Variants in RIMS2 observed in about 807,000 individuals in gnomAD.
RIMS2 encodes the protein regulating synaptic membrane exocytosis protein 2.
RIMS2 carries 59 observed loss-of-function variants against 174.4 expected under a neutral mutation model. The ratio of observed to expected loss-of-function variants is 0.34; its 90% CI spans 0.27 to 0.42. The LOEUF (loss-of-function observed/expected upper bound fraction) is 0.42, where lower values mean the gene tolerates loss of function less well. Ranked by LOEUF, RIMS2 falls within the 10% of genes least tolerant of loss-of-function variation. The pLI is 1.00. For synonymous variants in RIMS2, 606 were observed against 572.5 expected (o/e 1.06, Z -0.84); for missense variants, 1,620 against 1,666.3 (o/e 0.97, Z 0.48).
At chr8:103,653,989 A>G (rs940122810) in intron 1 of RIMS2, among the ~76,000 whole-genome samples, 1 of 152,096 alleles carries the variant, frequency 6.6e-6, no homozygotes, top group African/African-American at 2.4e-5. Context: ...ATTTTATGAC[A>G]TAAGGAGTAA....
chr8:103,586,873 A>G (rs1352040754), intron 1 of RIMS2, among the ~76,000 whole-genome samples: 1 of 152,056 alleles, frequency 6.6e-6, no homozygotes, highest in Non-Finnish European at 1.5e-5. Context: ...AGAAGATCCA[A>G]ATAAATACAA....
intron 3 of RIMS2, among the ~76,000 whole-genome samples, chr8:103,786,743 T>A (rs1197923595): frequency 2.0e-5 from 3 of 152,214 alleles, no homozygotes; most frequent in Admixed American, 6.5e-5. Flanking sequence ...AAAATGTATA[T>A]TCTGTTGATT....
intron 19 of RIMS2, among the ~76,000 whole-genome samples, chr8:104,052,515 A>G (rs1428559613): frequency 6.6e-6 from 1 of 152,160 alleles, no homozygotes; most frequent in African/African-American, 2.4e-5. Flanking sequence ...TAAAGCTTTG[A>G]ATCTAAAGCA....
intron 1 of RIMS2, among the ~76,000 whole-genome samples, chr8:103,684,910 G>T (rs1224818789): frequency 6.6e-6 from 1 of 152,022 alleles, no homozygotes; most frequent in East Asian, 1.9e-4. Flanking sequence ...TCCTATTAAA[G>T]AAATCTTTTC....
At chr8:103,537,483 A>G (rs1587071422) in intron 1 of RIMS2, among the ~76,000 whole-genome samples, 1 of 152,174 alleles carries the variant, frequency 6.6e-6, no homozygotes, top group African/African-American at 2.4e-5. Flanking sequence ...TAGTTCTTCA[A>G]TCCTTCTGTT....
chr8:103,854,715 T>C (rs1048575513), intron 3 of RIMS2, among the ~76,000 whole-genome samples: 1 of 152,054 alleles, frequency 6.6e-6, no homozygotes, highest in African/African-American at 2.4e-5. Context: ...GGAAAAAGCC[T>C]GCTTGGTTGT....
intron 1 of RIMS2, among the ~76,000 whole-genome samples, chr8:103,516,547 C>G (rs1188123657): frequency 6.6e-6 from 1 of 151,488 alleles, no homozygotes; most frequent in East Asian, 1.9e-4. Context: ...TAAAGAGGGC[C>G]AGAATGAAAG....
At chr8:104,049,765 A>T (rs994433216) in intron 19 of RIMS2, among the ~76,000 whole-genome samples, 1 of 152,230 alleles carries the variant, frequency 6.6e-6, no homozygotes, top group African/African-American at 2.4e-5. Context: ...AAAAAGGAAA[A>T]CACACAAAAA....
At chr8:103,526,398 T>C (rs1833993398) in intron 1 of RIMS2, among the ~76,000 whole-genome samples, 2 of 152,196 alleles carry the variant, frequency 1.3e-5, no homozygotes, top group African/African-American at 2.4e-5. Context: ...TTTTTACTTA[T>C]AATGTCTTAC....
chr8:103,639,508 T>G (rs943651324), intron 1 of RIMS2, among the ~76,000 whole-genome samples: 2 of 151,980 alleles, frequency 1.3e-5, no homozygotes, highest in Non-Finnish European at 2.9e-5. Context: ...TCTATAGTTT[T>G]GCCTTTCCCA....
intron 15 of RIMS2, among the ~76,000 whole-genome samples, chr8:103,970,643 C>T (rs1477746449): frequency 1.3e-5 from 2 of 152,152 alleles, no homozygotes; most frequent in Non-Finnish European, 2.9e-5. Context: ...CCTACTCTGG[C>T]ACTGGTTCCC....
intron 3 of RIMS2, among the ~76,000 whole-genome samples, chr8:103,841,428 T>G (rs959889455): frequency 4.6e-5 from 7 of 152,172 alleles, no homozygotes; most frequent in African/African-American, 1.7e-4. Flanking sequence ...CTAGACTTGA[T>G]GATTCTCTGT....
chr8:104,015,814 A>T (rs1232400342), intron 19 of RIMS2, among the ~76,000 whole-genome samples: 1 of 152,100 alleles, frequency 6.6e-6, no homozygotes, highest in Non-Finnish European at 1.5e-5. Context: ...ATCATTGAGG[A>T]TGTACACATA....
At chr8:103,805,778 T>C (rs2098646033) in intron 3 of RIMS2, among the ~76,000 whole-genome samples, 2 of 152,142 alleles carry the variant, frequency 1.3e-5, no homozygotes, top group Non-Finnish European at 1.5e-5. Context: ...TCCTCATTGA[T>C]ATTTTCAAAT....
intron 1 of RIMS2, among the ~76,000 whole-genome samples, chr8:103,577,516 C>T (rs1052874967): frequency 1.1e-4 from 16 of 152,062 alleles, no homozygotes; most frequent in Non-Finnish European, 2.1e-4. Context: ...ATGTAGGTGA[C>T]GGGTTGACAG....
intron 1 of RIMS2, among the ~76,000 whole-genome samples, chr8:103,508,990 A>T (rs1374849142): frequency 1.3e-5 from 2 of 152,070 alleles, no homozygotes; most frequent in African/African-American, 4.8e-5. Context: ...CTGTGAAGTC[A>T]TCTGGTCCTA....
At chr8:103,933,864 A>AT (rs1248212395) in intron 12 of RIMS2, among the ~76,000 whole-genome samples, 2 of 152,024 alleles carry the variant, frequency 1.3e-5, no homozygotes, top group Non-Finnish European at 1.5e-5. Flanking sequence ...TTTTTTGACA[A>AT]TTTTTTTGAA....
chr8:103,995,096 C>G (rs17817783), intron 17 of RIMS2, among the ~76,000 whole-genome samples: 19,277 of 151,872 alleles, frequency 0.13, 1,690 homozygotes, highest in Non-Finnish European at 0.19. Flanking sequence ...TTAAATATTT[C>G]CTTACATAGG....
intron 3 of RIMS2, among the ~76,000 whole-genome samples, chr8:103,822,584 A>T (rs1016140426): frequency 6.6e-6 from 1 of 151,842 alleles, no homozygotes; most frequent in Non-Finnish European, 1.5e-5. Flanking sequence ...TTTCATACTG[A>T]AAGTGTTTAG....
Sources: allele counts gnomAD v4.1 joint callset (sites outside exome capture counted in the v4.1 genomes callset), GRCh38; gene constraint gnomAD v4.1.1; transcripts MANE v1.5; gene names NCBI Gene and HGNC (gene_info 2026-07-23, HGNC 2026-07-21).